Variants in EIF3D observed in about 807,000 individuals in gnomAD.
EIF3D encodes eukaryotic translation initiation factor 3 subunit D.
Under a neutral mutation model 75.4 loss-of-function variants are expected in EIF3D, and 10 were observed. The observed-to-expected ratio is 0.13, with a 90% CI of 0.08 to 0.22. The LOEUF (loss-of-function observed/expected upper bound fraction) is 0.22, where lower values mean the gene tolerates loss of function less well. Among genes scored for constraint, EIF3D ranks in the 10% least tolerant of loss-of-function variants. The probability of loss-of-function intolerance (pLI) is 1.00; values close to 1 mark genes in which losing one functional copy is unlikely to be tolerated. For synonymous variants in EIF3D, 246 were observed against 248.3 expected (o/e 0.99, Z 0.09); for missense variants, 394 against 708.0 (o/e 0.56, Z 5.03).
chr22:36,521,893 C>T (rs953362150), intron 6 of EIF3D, among the ~76,000 whole-genome samples: 9 of 151,572 alleles, frequency 5.9e-5, no homozygotes, highest in African/African-American at 1.7e-4. Flanking sequence ...GCCAAGATCG[C>T]GCCACTGGCA....
At chr22:36,513,720 A>T (rs997870451) in intron 12 of EIF3D, among the ~76,000 whole-genome samples, 8 of 152,200 alleles carry the variant, frequency 5.3e-5, no homozygotes, top group African/African-American at 1.7e-4. Flanking sequence ...TTGCTGTGGC[A>T]CATTTTTTGG....
At chr22:36,528,295 C>A (rs1449566874) in intron 1 of EIF3D, among the ~76,000 whole-genome samples, 1 of 152,026 alleles carries the variant, frequency 6.6e-6, no homozygotes, top group East Asian at 1.9e-4. Flanking sequence ...ACCAAGACAA[C>A]GAGTCTCAAA....
intron 8 of EIF3D, 25 bp downstream of exon 8, chr22:36,519,380 G>T: frequency 6.2e-7 from 1 of 1,613,670 alleles, no homozygotes; most frequent in Non-Finnish European, 8.5e-7. Context: ...TAACAAGGGG[G>T]AGAGGGGCAG....
At chr22:36,519,299 T>C (rs1238142612) in intron 8 of EIF3D, 106 bp downstream of exon 8, 2 of 1,501,618 alleles carry the variant, frequency 1.3e-6, no homozygotes, top group East Asian at 4.5e-5. Context: ...TGCTTTTACC[T>C]ATAATACATA....
Position 36,511,909 on chromosome 22 carries a change from G to A in EIF3D, c.1350-123C>T, listed in dbSNP as rs564689843. ...GCTATTTTTTCTTTTTTTTTTTTTT[G>A]AGACGGAGTCTGGCTCTGTTGCCCA... On this transcript the variant is annotated intron_variant, in intron 13 of 14. Coordinates refer to ENST00000216190, the MANE Select transcript of EIF3D (RefSeq NM_003753.4). The A allele has an allele frequency of 1.8e-5, 11 of 613,384 alleles. No individual in the cohort carries two copies. In the African/African-American group the frequency reaches 2.9e-4, roughly 16 times the overall value. 38.0% of individuals were successfully genotyped at this position (613,384 alleles called of 1,614,324 possible). A position where few individuals can be genotyped will look rare whatever the true frequency, so the allele number is the denominator to read the frequency against.
At chr22:36,521,202 TAA>T (rs1457219850) in intron 6 of EIF3D, among the ~76,000 whole-genome samples, 1 of 151,878 alleles carries the variant, frequency 6.6e-6, no homozygotes, top group African/African-American at 2.4e-5. Flanking sequence ...TGCGTCTCAA[TAA>T]AAGAGAGAAA....
At chr22:36,515,769 G>A (rs1444562464) in intron 12 of EIF3D, among the ~76,000 whole-genome samples, 3 of 151,994 alleles carry the variant, frequency 2.0e-5, no homozygotes, top group East Asian at 1.9e-4. Context: ...TAACACAGAC[G>A]GCAAAACGAC....
chr22:36,528,960 G>A (rs1295442083), intron 1 of EIF3D, 116 bp downstream of exon 1: 2 of 251,590 alleles, frequency 7.9e-6, no homozygotes, highest in Middle Eastern at 1.1e-3. Context: ...CCAGCGGAGG[G>A]ACGGCAACAG....
At position 36,511,516 on chromosome 22, in the gene EIF3D, TTCTTCCTCCTCC is replaced by T. The variant is rs772404535; in HGVS notation, c.1608_1619del (p.Glu542_Glu545del). On this transcript the variant is annotated inframe_deletion, in exon 14 of 15. Transcript: ENST00000216190. ...GCTGCTACACACCTTCTTCTTCCTC[TTCTTCCTCCTCC>T]TCTTCCTCCTCATCTTCATCAGAGC... 19 of 1,613,830 alleles carry T rather than the reference TTCTTCCTCCTCC, an allele frequency of 1.2e-5. No homozygotes were observed. Among genetic ancestry groups the T allele is most frequent in the African/African-American group, 4.0e-5 (3 of 74,932 alleles).
chr22:36,526,038 C>T lies in EIF3D; in HGVS notation c.84G>A (p.Met28Ile). ...CTCCTTTGCTGAACGGCTGGTAGGG[C>T]ATATCCCGAAACTGCTCGGGAACCG... ...PCAVPEQFRD[M>I]PYQPFSKGDR... Residue 28 changes from methionine (M) to isoleucine (I), a missense_variant, in exon 2 of 15, where the codon ATG becomes ATA. By Grantham distance (10) the Met-to-Ile change is conservative. Transcript: ENST00000216190. 1.9e-6 allele frequency: 3 copies of T among 1,613,634 alleles called. No individual in the cohort carries two copies. Among genetic ancestry groups the T allele is most frequent in the Non-Finnish European group, 2.5e-6 (3 of 1,179,742 alleles).
At position 36,523,306 on chromosome 22, in the gene EIF3D, A is replaced by G. The variant is rs769664413; in HGVS notation, c.393-25T>C. The G allele has an allele frequency of 3.1e-6, 5 of 1,593,268 alleles. No homozygotes were observed. In the South Asian group the frequency reaches 5.6e-5, roughly 18 times the overall value. On this transcript the variant is annotated intron_variant, in intron 5 of 14. Transcript: ENST00000216190. ...TCTGGAAAGACAGACATATGATCTC[A>G]GTGCAGACCTTTAAACCAGTGGCTT...
chr22:36,511,276 G>A (rs1934330140), intron 14 of EIF3D: 13 of 912,918 alleles, frequency 1.4e-5, no homozygotes, highest in Non-Finnish European at 2.1e-5. Context: ...CTCTACCTCT[G>A]CCACAGTCCA....
chr22:36,523,628 C>G (rs1428394243), intron 5 of EIF3D, among the ~76,000 whole-genome samples: 5 of 152,134 alleles, frequency 3.3e-5, no homozygotes, highest in African/African-American at 1.2e-4. Flanking sequence ...CAGAACTGAG[C>G]CCAGGTAAGC....
intron 12 of EIF3D, among the ~76,000 whole-genome samples, chr22:36,515,452 C>T (rs1320794182): frequency 3.3e-5 from 5 of 151,966 alleles, no homozygotes; most frequent in East Asian, 1.9e-4. Flanking sequence ...CGCTTGAGCC[C>T]GGGAGGTAGA....
chr22:36,520,026 A>T (rs868736398), intron 7 of EIF3D, among the ~76,000 whole-genome samples: 4 of 152,232 alleles, frequency 2.6e-5, no homozygotes, highest in South Asian at 2.1e-4. Flanking sequence ...ATACAGTTTA[A>T]TAATCAGCAA....
rs548651670 is a variant in EIF3D at position 36,516,453 on chromosome 22, G to C, written c.1206+25C>G. On this transcript the variant is annotated intron_variant, in intron 12 of 14. Transcript: ENST00000216190. ...GGGAATAGAGACATGGTGTCACCAG[G>C]AGGGTGATGGAGATGGCGGCTCACC... is the stretch of plus-strand genomic sequence containing the variant. 448 of 1,610,484 alleles carry C rather than the reference G, an allele frequency of 2.8e-4. 1 individual carries two copies. The South Asian group carries it at 4.6e-3, about 17-fold the overall frequency.
chr22:36,523,369 C>T (rs2145876999), intron 5 of EIF3D, 88 bp from the exon 6 acceptor site: 2 of 1,044,166 alleles, frequency 1.9e-6, no homozygotes, highest in East Asian at 2.4e-5. Context: ...TTCAGCTAAA[C>T]CTTACCATCA....
intron 6 of EIF3D, among the ~76,000 whole-genome samples, chr22:36,521,695 G>T (rs1390765516): frequency 1.3e-5 from 2 of 151,962 alleles, no homozygotes; most frequent in South Asian, 2.1e-4. Context: ...GGGAGGCTGA[G>T]GTGGGTGGAT....
chr22:36,519,598 T>A (rs1426469337), intron 7 of EIF3D, 61 bp from the exon 8 acceptor site: 1 of 1,604,484 alleles, frequency 6.2e-7, no homozygotes. Flanking sequence ...TTTTTTCTTT[T>A]AAGCCATACA....
Sources: gnomAD v4.1 joint callset for allele counts (sites outside exome capture counted in the v4.1 genomes callset) on GRCh38, gnomAD v4.1.1 for gene constraint, MANE v1.5 for transcripts, NCBI Gene and HGNC (gene_info 2026-07-23, HGNC 2026-07-21) for gene names.